Variants in TPH2 observed in about 807,000 individuals in gnomAD.
TPH2 encodes tryptophan hydroxylase 2.
In TPH2, 27 loss-of-function variants were observed where a neutral mutation model predicts 59.1. That is an observed-to-expected ratio of 0.46 (90% CI 0.34 to 0.63). The LOEUF (loss-of-function observed/expected upper bound fraction) is 0.63. TPH2 is among the 30% of genes least tolerant of loss of function. TPH2 has a pLI of 0.01. For missense variants in TPH2, 523 were observed against 588.3 expected (o/e 0.89, Z 1.15); for synonymous variants, 220 against 210.5 (o/e 1.05, Z -0.39).
intron 8 of TPH2, among the ~76,000 whole-genome samples, chr12:72,006,465 T>C (rs1205986851): frequency 6.6e-6 from 1 of 152,004 alleles, no homozygotes; most frequent in East Asian, 1.9e-4. Flanking sequence ...GGCTGAACTG[T>C]CCTAACAGGA....
intron 8 of TPH2, among the ~76,000 whole-genome samples, chr12:71,998,693 A>G (rs766041597): frequency 3.3e-5 from 5 of 152,218 alleles, no homozygotes; most frequent in Non-Finnish European, 7.3e-5. Flanking sequence ...AGTCTATGGC[A>G]GGGGGATAAT....
chr12:71,961,577 T>A, intron 5 of TPH2: 1 of 1,352,134 alleles, frequency 7.4e-7, no homozygotes. Context: ...TAGCTGCTAT[T>A]GGCGACTGGG....
intron 8 of TPH2, among the ~76,000 whole-genome samples, chr12:72,008,620 G>A (rs1873018005): frequency 6.6e-6 from 1 of 152,112 alleles, no homozygotes; most frequent in Non-Finnish European, 1.5e-5. Context: ...ATACAATTTT[G>A]GTGAGGAAAG....
At chr12:71,992,017 T>C (rs1423922898) in intron 7 of TPH2, among the ~76,000 whole-genome samples, 3 of 152,214 alleles carry the variant, frequency 2.0e-5, no homozygotes, top group Non-Finnish European at 4.4e-5. Context: ...GGGAGCCTGA[T>C]TGAATTAGTC....
At chr12:71,981,503 G>T (rs1872276451) in intron 7 of TPH2, among the ~76,000 whole-genome samples, 1 of 152,092 alleles carries the variant, frequency 6.6e-6, no homozygotes, top group Admixed American at 6.5e-5. Context: ...CAAAAGGTGT[G>T]GAGCTAGATG....
chr12:71,962,053 C>G (rs1871701291), intron 5 of TPH2: 1 of 1,022,786 alleles, frequency 9.8e-7, no homozygotes, highest in African/African-American at 1.7e-5. Context: ...ATGCTCTTTA[C>G]CTGACTGGCC....
chr12:72,005,312 G>A (rs1192645341), intron 8 of TPH2, among the ~76,000 whole-genome samples: 1 of 152,088 alleles, frequency 6.6e-6, no homozygotes, highest in African/African-American at 2.4e-5. Context: ...AATGCAGGGT[G>A]ACTCAGGGAC....
chr12:72,017,313 C>T (rs1010621520), intron 8 of TPH2, among the ~76,000 whole-genome samples: 1 of 152,086 alleles, frequency 6.6e-6, no homozygotes, highest in Non-Finnish European at 1.5e-5. Flanking sequence ...CAGCTCGGGT[C>T]GACAGCGTGT....
At chr12:72,007,019 T>C (rs1872971933) in intron 8 of TPH2, among the ~76,000 whole-genome samples, 1 of 152,164 alleles carries the variant, frequency 6.6e-6, no homozygotes, top group Admixed American at 6.5e-5. Flanking sequence ...GGAGAGTTTC[T>C]TACTTTCTTC....
chr12:71,961,478 G>A lies in TPH2; in HGVS notation c.609-11041G>A, dbSNP rs1224491406. ...AGGGCCTAGTAGTTAGCTGTGTTCT[G>A]TCTCTTTCAAACAAGGTGCAAGATG... is the stretch of plus-strand genomic sequence containing the variant. On this transcript the variant is annotated intron_variant, in intron 5 of 10. Transcript: ENST00000333850. 1.1e-5 allele frequency: 14 copies of A among 1,298,314 alleles called. No homozygotes were observed. In the Admixed American group the frequency reaches 2.7e-4, roughly 25 times the overall value. The allele number at this position is 1,298,314 out of a possible 1,614,324, so 80.4% of individuals were successfully genotyped here.
At chr12:71,975,991 G>A (rs1040143664) in intron 6 of TPH2, among the ~76,000 whole-genome samples, 1 of 152,158 alleles carries the variant, frequency 6.6e-6, no homozygotes, top group African/African-American at 2.4e-5. Context: ...AAATACTGTT[G>A]TATTTGCCCC....
At chr12:71,965,825 A>G (rs1439112317) in intron 5 of TPH2, among the ~76,000 whole-genome samples, 1 of 152,156 alleles carries the variant, frequency 6.6e-6, no homozygotes, top group Non-Finnish European at 1.5e-5. Context: ...ATTAGATCCC[A>G]CTTGCCAATT....
intron 7 of TPH2, among the ~76,000 whole-genome samples, chr12:71,984,422 G>C (rs929448034): frequency 6.6e-6 from 1 of 152,176 alleles, no homozygotes; most frequent in African/African-American, 2.4e-5. Flanking sequence ...GGTCCATAAT[G>C]AGAGGAAAAA....
rs567773467 is a variant in TPH2, at chr12:71,953,272, C to T, written c.608+3617C>T. Among the ~76,000 whole-genome samples the T allele has an allele frequency of 7.9e-5, 12 of 152,126 alleles. No homozygotes were observed. In the South Asian group the frequency reaches 8.3e-4, roughly 11 times the overall value. ...CAAAGGTAGTTAAATCAGGAAAGCACGAACCCAGGACTTGTGGGAAGTAGA... is the reference window on the plus strand; with the variant it reads ...CAAAGGTAGTTAAATCAGGAAAGCATGAACCCAGGACTTGTGGGAAGTAGA... On this transcript the variant is annotated intron_variant, in intron 5 of 10. Coordinates refer to ENST00000333850, the MANE Select transcript of TPH2 (RefSeq NM_173353.4).
chr12:71,991,991 G>T (rs1231282781), intron 7 of TPH2, among the ~76,000 whole-genome samples: 2 of 152,148 alleles, frequency 1.3e-5, no homozygotes, highest in Non-Finnish European at 2.9e-5. Context: ...TAAAAAAAAT[G>T]CTCAGGTTTA....
chr12:72,006,464 G>A lies in TPH2; in HGVS notation c.1068+11899G>A, dbSNP rs145644282. ...GGCAAGGGAGGATTCTGGCTGAACT[G>A]TCCTAACAGGACTCTTGTGGAAGGC... On this transcript the variant is annotated intron_variant, in intron 8 of 10. Coordinates refer to ENST00000333850, the MANE Select transcript of TPH2 (RefSeq NM_173353.4). Among the ~76,000 whole-genome samples the A allele has an allele frequency of 3.7e-3, 565 of 152,164 alleles. 8 individuals carry two copies. Among genetic ancestry groups the A allele is most frequent in the African/African-American group, 0.013 (537 of 41,516 alleles).
At chr12:71,968,961 A>G (rs374080296) in intron 5 of TPH2, among the ~76,000 whole-genome samples, 8 of 152,290 alleles carry the variant, frequency 5.3e-5, no homozygotes, top group African/African-American at 1.9e-4. Context: ...TCTGTTATAT[A>G]TATACATTAC....
At chr12:71,997,866 G>C (rs1447194404) in intron 8 of TPH2, among the ~76,000 whole-genome samples, 1 of 152,188 alleles carries the variant, frequency 6.6e-6, no homozygotes, top group Non-Finnish European at 1.5e-5. Context: ...TACATGAGTA[G>C]TTATGTAGAA....
chr12:72,020,497 T>A (rs1458980318), intron 8 of TPH2, among the ~76,000 whole-genome samples: 1 of 152,082 alleles, frequency 6.6e-6, no homozygotes, highest in Non-Finnish European at 1.5e-5. Context: ...TTTATTTTAT[T>A]TTATTTTTGA....
Sources: gnomAD v4.1 joint callset for allele counts (sites outside exome capture counted in the v4.1 genomes callset) on GRCh38, gnomAD v4.1.1 for gene constraint, MANE v1.5 for transcripts, NCBI Gene and HGNC (gene_info 2026-07-23, HGNC 2026-07-21) for gene names.